SPHKAP: variants seen among roughly 807,000 people sequenced by gnomAD.
SPHKAP encodes the protein SPHK1 interactor, AKAP domain containing.
Under a neutral mutation model 137.5 loss-of-function variants are expected in SPHKAP, and 67 were observed. The ratio of observed to expected loss-of-function variants is 0.49; its 90% CI spans 0.40 to 0.60. The LOEUF is 0.60. Ranked by LOEUF, SPHKAP falls within the 20% of genes least tolerant of loss-of-function variation. The pLI is 0.00. For synonymous variants in SPHKAP, 813 were observed against 785.3 expected (o/e 1.04, Z -0.59); for missense variants, 2,097 against 2,069.3 (o/e 1.01, Z -0.26).
At chr2:228,108,996 C>A in intron 2 of SPHKAP, 57 bp from the exon 3 acceptor site, 2 of 1,092,828 alleles carry the variant, frequency 1.8e-6, no homozygotes, top group Non-Finnish European at 2.6e-6. Flanking sequence ...ATCTAAACAG[C>A]AGCTCTCTCT....
chr2:227,995,749 G>T, intron 7 of SPHKAP, 55 bp from the exon 8 acceptor site: 1 of 1,398,582 alleles, frequency 7.2e-7, no homozygotes, highest in Non-Finnish European at 9.5e-7. Context: ...CACACACACA[G>T]AAACTTCACA....
At chr2:228,038,409 A>G (rs1359148769) in intron 3 of SPHKAP, among the ~76,000 whole-genome samples, 1 of 152,086 alleles carries the variant, frequency 6.6e-6, no homozygotes, top group Non-Finnish European at 1.5e-5. Flanking sequence ...GTTATGTGTG[A>G]CTAAAATGAT....
In SPHKAP at chr2:227,995,504, G is replaced by GGT; in HGVS notation, c.4634+3_4634+4dup. 1 of 1,614,022 alleles carries GGT rather than the reference G, an allele frequency of 6.2e-7. No individual in the cohort carries two copies. Among genetic ancestry groups the GGT allele is most frequent in the Non-Finnish European group, 8.5e-7 (1 of 1,179,976 alleles). ...TCCCTGGGAATTCAAGGGAAGAGCA[G>GGT]GTACCTCATGGATCGCTCACTGAGC... On this transcript the variant is annotated splice_donor_region_variant and intron_variant, in intron 8 of 11. Coordinates refer to ENST00000392056, the MANE Select transcript of SPHKAP (RefSeq NM_001142644.2).
At chr2:228,084,318 G>A (rs555198110) in intron 3 of SPHKAP, among the ~76,000 whole-genome samples, 33 of 152,042 alleles carry the variant, frequency 2.2e-4, no homozygotes, top group Admixed American at 7.2e-4. Context: ...AGTTAATAAT[G>A]GTTATATCAA....
chr2:227,991,183 T>C lies in SPHKAP; in HGVS notation c.4776A>G (p.Ala1592=). 1.9e-6 allele frequency: 3 copies of C among 1,614,012 alleles called. No individual in the cohort carries two copies. The highest frequency in any genetic ancestry group is 2.5e-6 in the Non-Finnish European group (3 of 1,179,980). The change falls in exon 11 of 12, where the codon GCA becomes GCG. Residue 1592 remains alanine, a splice_region_variant and synonymous_variant. Transcript: ENST00000392056. ...ILKGQSESTE[A]PASGPPTGTA... The stretch of plus-strand genomic sequence containing the variant: ...TTCCCGTAGGCGGTCCAGATGCAGG[T>C]GCTGAGAACAGACACAACCACAGCC...
Position 228,073,254 on chromosome 2 carries a change from T to C in SPHKAP, c.246+35578A>G, listed in dbSNP as rs962863671. Reference sequence around the variant, plus strand: ...CTGGTCTGGCATGGAATGCCACATATGAATTACAGAATTAGGATAAGGGCT... The same window carrying C: ...CTGGTCTGGCATGGAATGCCACATACGAATTACAGAATTAGGATAAGGGCT... On this transcript the variant is annotated intron_variant, in intron 3 of 11. Coordinates refer to ENST00000392056, the MANE Select transcript of SPHKAP (RefSeq NM_001142644.2). 3.3e-5 allele frequency among the ~76,000 whole-genome samples: 5 copies of C among 152,214 alleles called. No homozygotes were observed. In the East Asian group the frequency reaches 9.6e-4, roughly 29 times the overall value.
intron 1 of SPHKAP, among the ~76,000 whole-genome samples, chr2:228,153,725 AT>A (rs994417874): frequency 9.2e-5 from 14 of 151,632 alleles, no homozygotes; most frequent in Non-Finnish European, 1.6e-4. Flanking sequence ...AAAATGTTAA[AT>A]TTTTTTTTGC....
At chr2:228,124,061 A>G (rs562533406) in intron 2 of SPHKAP, among the ~76,000 whole-genome samples, 70 of 151,708 alleles carry the variant, frequency 4.6e-4, no homozygotes, top group African/African-American at 1.6e-3. Context: ...TTAGAATGGC[A>G]ATCATTAAAA....
rs1261296913 is a variant in SPHKAP at position 227,991,344 on chromosome 2, A to G, written c.4722-18T>C. 48 of 1,614,152 alleles carry G rather than the reference A, an allele frequency of 3.0e-5. No individual in the cohort carries two copies. The highest frequency in any genetic ancestry group is 4.0e-5 in the Non-Finnish European group (47 of 1,179,972). On this transcript the variant is annotated intron_variant, in intron 9 of 11. Coordinates refer to ENST00000392056, the MANE Select transcript of SPHKAP (RefSeq NM_001142644.2). ...CTAATTCACTTTGGGAGAAAACAAC[A>G]GTATATGGTTGGTAATGTTTAGAAG...
intron 3 of SPHKAP, among the ~76,000 whole-genome samples, chr2:228,043,485 C>G (rs567079293): frequency 1.6e-4 from 24 of 152,110 alleles, no homozygotes; most frequent in Non-Finnish European, 2.4e-4. Context: ...TGCCACCATG[C>G]CTGGCTAATT....
chr2:228,174,771 C>T (rs1459855656), intron 1 of SPHKAP, among the ~76,000 whole-genome samples: 2 of 152,092 alleles, frequency 1.3e-5, no homozygotes, highest in African/African-American at 4.8e-5. Context: ...CAGGGAATTA[C>T]AAATCATGAT....
chr2:228,164,545 A>G (rs918820389), intron 1 of SPHKAP, among the ~76,000 whole-genome samples: 1 of 152,268 alleles, frequency 6.6e-6, no homozygotes, highest in Non-Finnish European at 1.5e-5. Context: ...CATTTACAAT[A>G]TGCCACACAC....
At chr2:228,051,708 T>C (rs1416768868) in intron 3 of SPHKAP, among the ~76,000 whole-genome samples, 5 of 152,206 alleles carry the variant, frequency 3.3e-5, no homozygotes, top group African/African-American at 4.8e-5. Context: ...TATAACACAA[T>C]ACCTTACACT....
intron 3 of SPHKAP, among the ~76,000 whole-genome samples, chr2:228,100,190 C>T (rs894598034): frequency 3.9e-5 from 6 of 152,094 alleles, no homozygotes; most frequent in African/African-American, 7.2e-5. Flanking sequence ...TTTTGTATCC[C>T]GAAACTTTAT....
At chr2:228,079,740 G>A (rs770621155) in intron 3 of SPHKAP, among the ~76,000 whole-genome samples, 31 of 152,224 alleles carry the variant, frequency 2.0e-4, no homozygotes, top group South Asian at 1.9e-3. Context: ...GCCCATCTTC[G>A]TATACCCAGG....
chr2:228,108,785 G>A (rs376206852), intron 3 of SPHKAP, 47 bp downstream of exon 3: 57 of 1,394,108 alleles, frequency 4.1e-5, no homozygotes, highest in Middle Eastern at 1.8e-4. Flanking sequence ...ACATGTGCCC[G>A]CTTCCCTGCT....
At chr2:228,058,682 A>T (rs1696533177) in intron 3 of SPHKAP, among the ~76,000 whole-genome samples, 1 of 152,234 alleles carries the variant, frequency 6.6e-6, no homozygotes, top group Non-Finnish European at 1.5e-5. Context: ...TGCTTGCCTT[A>T]GCATTCTTTT....
At chr2:228,061,337 C>T (rs1033607355) in intron 3 of SPHKAP, among the ~76,000 whole-genome samples, 9 of 152,038 alleles carry the variant, frequency 5.9e-5, no homozygotes, top group African/African-American at 2.2e-4. Context: ...GATCTCGGCT[C>T]ACTGCAACCT....
chr2:228,128,876 A>G (rs1699159331), intron 2 of SPHKAP, among the ~76,000 whole-genome samples: 1 of 152,108 alleles, frequency 6.6e-6, no homozygotes, highest in African/African-American at 2.4e-5. Flanking sequence ...TATTCAGTAA[A>G]CCATGCTGTA....
Sources: allele counts gnomAD v4.1 joint callset (sites outside exome capture counted in the v4.1 genomes callset), GRCh38; gene constraint gnomAD v4.1.1; transcripts MANE v1.5; gene names NCBI Gene and HGNC (gene_info 2026-07-23, HGNC 2026-07-21).